STON1: variants seen among roughly 807,000 people sequenced by gnomAD.
STON1 encodes stonin 1.
A neutral mutation model predicts 60.9 loss-of-function variants in STON1; 79 were observed. That is an observed-to-expected ratio of 1.30 (90% CI 1.08 to 1.56). The LOEUF is 1.56. Among genes scored for constraint, STON1 ranks in the 40% most tolerant of loss-of-function variants. STON1 has a pLI of 0.00. For synonymous variants in STON1, 363 were observed against 306.9 expected, an observed-to-expected ratio of 1.18 and a Z score of -1.91; for missense variants, 1,166 against 858.9, an observed-to-expected ratio of 1.36 and a Z score of -4.47.
rs145086840 is a variant in STON1, at chr2:48,581,170, C to A, written c.537C>A (p.Asp179Glu). Residue 179 changes from aspartate to glutamate, a missense_variant, in exon 2 of 4, where the codon GAC becomes GAA. Coordinates refer to ENST00000404752, the MANE Select transcript of STON1 (RefSeq NM_006873.4). ...CCCAGTTTCAGTATTTTCGAGAGGA[C>A]TGTGCTTTTTCAAGTCCATTTTGGA... ...DLPQFQYFREDCAFSSPFWKD... is the reference protein window; with the variant it reads ...DLPQFQYFREECAFSSPFWKD... 368 of 1,545,254 alleles carry A rather than the reference C, an allele frequency of 2.4e-4. 3 individuals are homozygous for A. In the African/African-American group the frequency reaches 4.7e-3, roughly 20 times the overall value.
At chr2:48,579,324 T>C (rs1266263995) in intron 1 of STON1, among the ~76,000 whole-genome samples, 1 of 151,918 alleles carries the variant, frequency 6.6e-6, no homozygotes, top group African/African-American at 2.4e-5. Context: ...CCTTTTTTTT[T>C]TTGAGACGGA....
At chr2:48,574,086 T>G (rs891885628) in intron 1 of STON1, among the ~76,000 whole-genome samples, 1 of 152,012 alleles carries the variant, frequency 6.6e-6, no homozygotes, top group African/African-American at 2.4e-5. Flanking sequence ...AAGAATGTTG[T>G]GGAATTTGGC....
At chr2:48,533,995 C>T (rs1445241498) in intron 1 of STON1, among the ~76,000 whole-genome samples, 1 of 152,074 alleles carries the variant, frequency 6.6e-6, no homozygotes, top group East Asian at 1.9e-4. Context: ...TTTCGAACTC[C>T]TGATCTCAGG....
intron 1 of STON1, among the ~76,000 whole-genome samples, chr2:48,536,236 G>T (rs114356861): frequency 0.01 from 1,523 of 152,180 alleles, 17 homozygotes; most frequent in South Asian, 0.04. Flanking sequence ...AAGATACTGT[G>T]AAGAGATAGT....
At chr2:48,572,957 G>A (rs1206831130) in intron 1 of STON1, among the ~76,000 whole-genome samples, 7 of 152,210 alleles carry the variant, frequency 4.6e-5, no homozygotes, top group Admixed American at 3.3e-4. Flanking sequence ...GCTGCCCTCC[G>A]CTGTGTGTTT....
chr2:48,583,821 G>A (rs1318438229), intron 2 of STON1, among the ~76,000 whole-genome samples: 3 of 149,848 alleles, frequency 2.0e-5, no homozygotes, highest in Admixed American at 6.7e-5. Context: ...GCACAATCTC[G>A]GCTTACTGCA....
At position 48,564,480 on chromosome 2, in the gene STON1, T is replaced by TTCCTTCTTCTTC. The variant is rs1558604783; in HGVS notation, c.-47-16106_-47-16105insCCTTCTTCTTCT. ...CTTCTTCTTCTTCTTCTTCTTCTTC[T>TTCCTTCTTCTTC]TTCTTCTTCTTCTTCTTCTTCTTCT... On this transcript the variant is annotated intron_variant, in intron 1 of 3. Transcript: ENST00000404752. Among the ~76,000 whole-genome samples the TTCCTTCTTCTTC allele has an allele frequency of 1.5e-4, 5 of 32,480 alleles. 2 individuals are homozygous for TTCCTTCTTCTTC. Among genetic ancestry groups the TTCCTTCTTCTTC allele is most frequent in the Admixed American group, 5.7e-4 (2 of 3,494 alleles). The allele number at this position is 32,480 out of a possible 152,430, so 21.3% of individuals were successfully genotyped here. A position where few individuals can be genotyped will look rare whatever the true frequency, so the allele number is the denominator to read the frequency against.
intron 1 of STON1, among the ~76,000 whole-genome samples, chr2:48,549,279 T>G (rs2103782193): frequency 6.6e-6 from 1 of 152,342 alleles, no homozygotes; most frequent in African/African-American, 2.4e-5. Context: ...CATTGCCTTA[T>G]ATGATGCTCC....
At chr2:48,571,566 G>T (rs11681276) in intron 1 of STON1, among the ~76,000 whole-genome samples, 49,421 of 151,938 alleles carry the variant, frequency 0.33, 8,153 homozygotes, top group East Asian at 0.42. Context: ...TGGATTCCAG[G>T]GTCTCAAAGT....
chr2:48,556,239 C>T (rs1429392246), intron 1 of STON1, among the ~76,000 whole-genome samples: 2 of 32,056 alleles, frequency 6.2e-5, no homozygotes, highest in African/African-American at 1.1e-4. Flanking sequence ...ACCTCCCTCC[C>T]GGACGGGGCG....
intron 1 of STON1, among the ~76,000 whole-genome samples, chr2:48,545,063 T>C (rs7557600): frequency 0.2 from 30,357 of 152,044 alleles, 3,249 homozygotes; most frequent in East Asian, 0.35. Context: ...GGGTGCCTAA[T>C]TGAGGTCATT....
chr2:48,571,862 C>T (rs1448525698), intron 1 of STON1, among the ~76,000 whole-genome samples: 2 of 152,062 alleles, frequency 1.3e-5, no homozygotes, highest in African/African-American at 4.8e-5. Flanking sequence ...GAAACGGAAG[C>T]AAGTGTAAAA....
chr2:48,564,473 CTTCTTCT>C (rs1672778490), intron 1 of STON1, among the ~76,000 whole-genome samples: 6 of 51,744 alleles, frequency 1.2e-4, no homozygotes, highest in Admixed American at 3.7e-4. Context: ...TCTTCTTCTT[CTTCTTCT>C]TTCTTCTTCT....
At chr2:48,558,675 T>C (rs1222924216) in intron 1 of STON1, among the ~76,000 whole-genome samples, 2 of 152,196 alleles carry the variant, frequency 1.3e-5, no homozygotes, top group Non-Finnish European at 2.9e-5. Flanking sequence ...AACAGAAACA[T>C]GAGCAGAGGG....
In STON1 at chr2:48,581,964, G is replaced by A; in HGVS notation, c.1331G>A (p.Cys444Tyr). ...VESAVITQIY[C>Y]LCFVNGNLEC... The stretch of plus-strand genomic sequence containing the variant: ...AGTGCTGTGATAACTCAAATTTATT[G>A]CCTCTGCTTTGTGAATGGGAACCTG... The change falls in exon 2 of 4, where the codon TGC becomes TAC. Residue 444 changes from cysteine to tyrosine, a missense_variant. Transcript: ENST00000404752. 1 of 1,614,136 alleles carries A rather than the reference G, an allele frequency of 6.2e-7. No individual in the cohort carries two copies. The highest frequency in any genetic ancestry group is 8.5e-7 in the Non-Finnish European group (1 of 1,180,024).
At position 48,564,405 on chromosome 2, in the gene STON1, G is replaced by GTCT. The variant is rs1241898892; in HGVS notation, c.-47-16108_-47-16106dup. ...TAGGTCCTCCAGTGGCAGTGGCGGT[G>GTCT]TCTTCTTCTTCTTCTTCTTCTTCTT... is the stretch of plus-strand genomic sequence containing the variant. On this transcript the variant is annotated intron_variant, in intron 1 of 3. Coordinates refer to ENST00000404752, the MANE Select transcript of STON1 (RefSeq NM_006873.4). 7.0e-3 allele frequency among the ~76,000 whole-genome samples: 577 copies of GTCT among 82,394 alleles called. 5 individuals are homozygous for GTCT. Among genetic ancestry groups the GTCT allele is most frequent in the Middle Eastern group, 0.018 (3 of 164 alleles). The allele number at this position is 82,394 out of a possible 152,430, so 54.1% of individuals were successfully genotyped here. A position where few individuals can be genotyped will look rare whatever the true frequency, so the allele number is the denominator to read the frequency against.
intron 1 of STON1, among the ~76,000 whole-genome samples, chr2:48,567,999 G>A (rs1482465976): frequency 2.1e-5 from 3 of 143,448 alleles, no homozygotes; most frequent in Non-Finnish European, 4.5e-5. Flanking sequence ...CTGAAATTAA[G>A]ACATTCTTTC....
At chr2:48,570,700 T>A (rs1673156861) in intron 1 of STON1, among the ~76,000 whole-genome samples, 1 of 151,942 alleles carries the variant, frequency 6.6e-6, no homozygotes, top group South Asian at 2.1e-4. Context: ...CTGAAGAAAA[T>A]GTCTAATAGT....
At chr2:48,542,146 G>A (rs1326390607) in intron 1 of STON1, among the ~76,000 whole-genome samples, 3 of 152,236 alleles carry the variant, frequency 2.0e-5, no homozygotes, top group African/African-American at 2.4e-5. Flanking sequence ...TTTACAGTGA[G>A]CAATTGATTC....
Sources: allele counts gnomAD v4.1 joint callset (sites outside exome capture counted in the v4.1 genomes callset), GRCh38; gene constraint gnomAD v4.1.1; transcripts MANE v1.5; gene names NCBI Gene and HGNC (gene_info 2026-07-23, HGNC 2026-07-21).